PREP: variants seen among roughly 807,000 people sequenced by gnomAD.
PREP encodes the protein prolyl endopeptidase, also known as dJ355L5.1 (prolyl endopeptidase).
A neutral mutation model predicts 87.6 loss-of-function variants in PREP; 29 were observed. The ratio of observed to expected loss-of-function variants is 0.33; its 90% CI spans 0.25 to 0.45. The LOEUF (loss-of-function observed/expected upper bound fraction) is 0.45. Among genes scored for constraint, PREP ranks in the 20% least tolerant of loss-of-function variants. The pLI, the probability that PREP is intolerant of heterozygous loss-of-function variation, is 1.00. For missense variants in PREP, 695 were observed against 886.5 expected (o/e 0.78, Z 2.74); for synonymous variants, 337 against 328.6 (o/e 1.03, Z -0.28).
chr6:105,349,145 TAAG>T (rs1771877255), intron 7 of PREP, among the ~76,000 whole-genome samples: 1 of 152,056 alleles, frequency 6.6e-6, no homozygotes. Flanking sequence ...TCAGAAAAGG[TAAG>T]AAGGAGCAAT....
Position 105,353,744 on chromosome 6 carries a change from C to T in PREP, c.718-667G>A, listed in dbSNP as rs1269411544. On this transcript the variant is annotated intron_variant, in intron 6 of 14. Coordinates refer to ENST00000652536, the MANE Select transcript of PREP (RefSeq NM_002726.5). ...CTGACACGGTGCCACTGCACTCCAG[C>T]CTGGGCAACAGAGTGAGACTCCATC... is the stretch of plus-strand genomic sequence containing the variant. Among the ~76,000 whole-genome samples, 6 of 144,692 alleles carry T rather than the reference C, an allele frequency of 4.1e-5. No individual in the cohort carries two copies. In the Admixed American group the frequency reaches 4.2e-4, roughly 10 times the overall value. The allele number at this position is 144,692 out of a possible 152,430, so 94.9% of individuals were successfully genotyped here. A position where few individuals can be genotyped will look rare whatever the true frequency, so the allele number is the denominator to read the frequency against.
chr6:105,381,883 T>C (rs1772848772), intron 2 of PREP, among the ~76,000 whole-genome samples: 1 of 152,192 alleles, frequency 6.6e-6, no homozygotes, highest in Non-Finnish European at 1.5e-5. Context: ...TGTGAAGTGT[T>C]CGTACTGCAA....
At chr6:105,318,271 T>G (rs146388860) in intron 10 of PREP, among the ~76,000 whole-genome samples, 1 of 152,160 alleles carries the variant, frequency 6.6e-6, no homozygotes, top group Admixed American at 6.5e-5. Context: ...CATAAGCAGA[T>G]AGAGGATGCA....
chr6:105,296,782 A>G (rs936319184), intron 10 of PREP, among the ~76,000 whole-genome samples: 2 of 152,064 alleles, frequency 1.3e-5, no homozygotes, highest in African/African-American at 2.4e-5. Flanking sequence ...ATCTTTTTCA[A>G]CCTTCCTAAT....
chr6:105,285,784 C>A (rs1313931792), intron 11 of PREP, among the ~76,000 whole-genome samples: 1 of 152,010 alleles, frequency 6.6e-6, no homozygotes, highest in Non-Finnish European at 1.5e-5. Flanking sequence ...AATATATATA[C>A]ATATTTTTTG....
rs140738204 is a variant in PREP, at chr6:105,401,275, C to T, written c.45+1572G>A. On this transcript the variant is annotated intron_variant, in intron 1 of 14. Coordinates refer to ENST00000652536, the MANE Select transcript of PREP (RefSeq NM_002726.5). ...CTCTAAAAACAAACTTAAAACTGCA[C>T]TTATCAAACCACAGAATGGGTAATT... 3.3e-3 allele frequency among the ~76,000 whole-genome samples: 510 copies of T among 152,324 alleles called. 3 individuals are homozygous for T. Among genetic ancestry groups the T allele is most frequent in the Middle Eastern group, 0.02 (6 of 294 alleles).
At chr6:105,284,098 CT>C (rs1374917693) in intron 12 of PREP, among the ~76,000 whole-genome samples, 1 of 152,068 alleles carries the variant, frequency 6.6e-6, no homozygotes, top group East Asian at 1.9e-4. Flanking sequence ...AAATTTTATC[CT>C]CTTATCACTC....
chr6:105,382,375 C>CAT (rs1413218832), intron 2 of PREP, among the ~76,000 whole-genome samples: 4 of 151,368 alleles, frequency 2.6e-5, no homozygotes, highest in Non-Finnish European at 5.9e-5. Flanking sequence ...ACAATTTCTA[C>CAT]ATATATCAAA....
intron 11 of PREP, 43 bp from the exon 12 acceptor site, chr6:105,285,623 G>T: frequency 6.7e-7 from 1 of 1,499,724 alleles, no homozygotes; most frequent in Non-Finnish European, 9.3e-7. Flanking sequence ...TAACTGCCTA[G>T]TGAAGACCAT....
intron 9 of PREP, among the ~76,000 whole-genome samples, chr6:105,325,436 C>G (rs1771128711): frequency 6.6e-6 from 1 of 152,174 alleles, no homozygotes; most frequent in Admixed American, 6.5e-5. Context: ...AGGAAATATA[C>G]TCTAAATGCC....
At chr6:105,292,360 A>G (rs961848561) in intron 10 of PREP, among the ~76,000 whole-genome samples, 5 of 152,216 alleles carry the variant, frequency 3.3e-5, no homozygotes, top group Non-Finnish European at 7.3e-5. Flanking sequence ...CAGGCATGAA[A>G]ACAACATTCA....
At chr6:105,351,640 T>C (rs1771954619) in intron 7 of PREP, among the ~76,000 whole-genome samples, 1 of 152,216 alleles carries the variant, frequency 6.6e-6, no homozygotes, top group South Asian at 2.1e-4. Context: ...GACAGAATTT[T>C]ATTCTCTATA....
chr6:105,307,358 CA>C (rs1254356482), intron 10 of PREP, among the ~76,000 whole-genome samples: 6 of 152,068 alleles, frequency 3.9e-5, no homozygotes, highest in Admixed American at 3.3e-4. Flanking sequence ...GCCTTGTTTC[CA>C]AGAGGAGCCT....
At chr6:105,367,817 G>A (rs752524134) in intron 6 of PREP, among the ~76,000 whole-genome samples, 3 of 152,052 alleles carry the variant, frequency 2.0e-5, no homozygotes, top group African/African-American at 4.8e-5. Flanking sequence ...TGAGCCATAC[G>A]GACTTCTGTG....
At chr6:105,367,714 C>T (rs1772427107) in intron 6 of PREP, among the ~76,000 whole-genome samples, 1 of 150,152 alleles carries the variant, frequency 6.7e-6, no homozygotes, top group Admixed American at 6.6e-5. Context: ...TTTAGGGTAA[C>T]AAAATGTCCT....
rs1273789613 is a variant in PREP at position 105,274,508 on chromosome 6, G to A, written c.*3636C>T. On this transcript the variant is annotated 3_prime_UTR_variant, in exon 15 of 15. Coordinates refer to ENST00000652536, the MANE Select transcript of PREP (RefSeq NM_002726.5). Reference sequence around the variant, plus strand: ...CGGCTGGGCATGGTGGCTCATGCCTGTAATCCCAGCATTTTGGGAGGCTGA... The same window carrying A: ...CGGCTGGGCATGGTGGCTCATGCCTATAATCCCAGCATTTTGGGAGGCTGA... Among the ~76,000 whole-genome samples, 1 of 152,196 alleles carries A rather than the reference G, an allele frequency of 6.6e-6. No homozygotes were observed. Among genetic ancestry groups the A allele is most frequent in the East Asian group, 1.9e-4 (1 of 5,198 alleles).
rs1201967584 is a variant in PREP at position 105,276,617 on chromosome 6, A to G, written c.*1527T>C. Among the ~76,000 whole-genome samples, 1 of 152,220 alleles carries G rather than the reference A, an allele frequency of 6.6e-6. No individual in the cohort carries two copies. Among genetic ancestry groups the G allele is most frequent in the Non-Finnish European group, 1.5e-5 (1 of 68,032 alleles). On this transcript the variant is annotated 3_prime_UTR_variant, in exon 15 of 15. Transcript: ENST00000652536. ...CGACAGAGTCTCAGCATGCAACACT[A>G]GCTACTGGCACACTTTGTTTCCAGA...
intron 6 of PREP, among the ~76,000 whole-genome samples, chr6:105,363,281 C>T (rs995852040): frequency 2.0e-5 from 3 of 152,136 alleles, no homozygotes; most frequent in Non-Finnish European, 4.4e-5. Flanking sequence ...TTTTCACAAT[C>T]TTCATTCTAG....
chr6:105,327,544 A>G (rs1234109699), intron 9 of PREP, among the ~76,000 whole-genome samples: 4 of 152,178 alleles, frequency 2.6e-5, no homozygotes, highest in African/African-American at 9.7e-5. Flanking sequence ...CCACCACTAT[A>G]AGATTCCTTA....
Sources: allele counts gnomAD v4.1 joint callset (sites outside exome capture counted in the v4.1 genomes callset), GRCh38; gene constraint gnomAD v4.1.1; transcripts MANE v1.5; gene names NCBI Gene and HGNC (gene_info 2026-07-23, HGNC 2026-07-21).